The following CCNJL variants were observed in gnomAD, a reference collection of about 807,000 sequenced individuals.
CCNJL encodes cyclin-J-like protein.
CCNJL carries 33 observed loss-of-function variants against 33.4 expected under a neutral mutation model. The observed-to-expected ratio is 0.99, with a 90% confidence interval of 0.75 to 1.32. The LOEUF (loss-of-function observed/expected upper bound fraction) is 1.32. CCNJL is among the 40% of genes most tolerant of loss of function. The pLI is 0.00. For missense variants in CCNJL, 512 were observed against 499.7 expected (o/e 1.02, Z -0.23); for synonymous variants, 227 against 220.9 (o/e 1.03, Z -0.24).
At chr5:160,270,682 G>A (rs1761800984) in intron 3 of CCNJL, among the ~76,000 whole-genome samples, 1 of 152,204 alleles carries the variant, frequency 6.6e-6, no homozygotes. Flanking sequence ...ATAGAAAAGA[G>A]AAATGTAGTG....
intron 1 of CCNJL, among the ~76,000 whole-genome samples, chr5:160,323,206 G>T (rs1007744322): frequency 6.7e-6 from 1 of 150,106 alleles, no homozygotes; most frequent in Non-Finnish European, 1.5e-5. Context: ...CTGCACTCCA[G>T]CCTGGGCAAC....
At position 160,272,788 on chromosome 5, in the gene CCNJL, A is replaced by C. The variant is rs978223223; in HGVS notation, c.280+7737T>G. 2.6e-5 allele frequency among the ~76,000 whole-genome samples: 4 copies of C among 152,216 alleles called. No individual in the cohort carries two copies. The South Asian group carries it at 6.2e-4, about 24-fold the overall frequency. ...AAGGCAATTTGGCACTACTTATCAA[A>C]ATCTTCAGTGTTACCTACCTGTTGA... On this transcript the variant is annotated intron_variant, in intron 3 of 5. Coordinates refer to ENST00000257536, the MANE Select transcript of CCNJL (RefSeq NM_001308173.3).
intron 1 of CCNJL, among the ~76,000 whole-genome samples, chr5:160,330,420 G>A (rs1763589862): frequency 6.6e-6 from 1 of 152,164 alleles, no homozygotes; most frequent in East Asian, 1.9e-4. Context: ...GCTGCCTTAA[G>A]TGGTGGCTGT....
chr5:160,327,111 G>A (rs1175394056), intron 1 of CCNJL: 2 of 273,448 alleles, frequency 7.3e-6, no homozygotes, highest in Non-Finnish European at 1.4e-5. Flanking sequence ...CTATGGGATT[G>A]TTTGTATTTA....
intron 4 of CCNJL, chr5:160,258,214 T>A (rs1363581556): frequency 1.7e-6 from 1 of 586,420 alleles, no homozygotes; most frequent in East Asian, 3.0e-5. Flanking sequence ...GTATCAACAG[T>A]ATTTTTTTTT....
At chr5:160,321,008 C>CTT (rs1763447861) in intron 1 of CCNJL, among the ~76,000 whole-genome samples, 2 of 100,166 alleles carry the variant, frequency 2.0e-5, no homozygotes, top group East Asian at 2.7e-4. Flanking sequence ...CTCTCTCTCT[C>CTT]TCTCTCTTTC....
intron 2 of CCNJL, among the ~76,000 whole-genome samples, chr5:160,282,940 A>C (rs10085043): frequency 0.13 from 17,135 of 129,400 alleles, 1,910 homozygotes; most frequent in African/African-American, 0.28. Context: ...AGGGTTCTTA[A>C]GTGACCCAGC....
intron 2 of CCNJL, chr5:160,281,277 C>T (rs78728998): frequency 0.022 from 3,587 of 160,436 alleles, 125 homozygotes; most frequent in African/African-American, 0.08. Context: ...TTACGAGAGA[C>T]GGGTTTTTGA....
chr5:160,266,328 T>C (rs565858285), intron 3 of CCNJL, among the ~76,000 whole-genome samples: 2 of 152,394 alleles, frequency 1.3e-5, no homozygotes, highest in African/African-American at 2.4e-5. Flanking sequence ...AATAGAGACC[T>C]TTCTGATGCT....
chr5:160,338,233 CA>C (rs34255916), intron 1 of CCNJL, among the ~76,000 whole-genome samples: 72,559 of 151,744 alleles, frequency 0.48, 17,614 homozygotes, highest in Middle Eastern at 0.54. Context: ...CCCGTCTCTA[CA>C]AAAAAACACA....
chr5:160,276,701 G>A (rs1438196144), intron 3 of CCNJL, among the ~76,000 whole-genome samples: 3 of 152,134 alleles, frequency 2.0e-5, no homozygotes, highest in East Asian at 1.9e-4. Context: ...TAGAGAGAGC[G>A]TGAAGGTGCT....
intron 3 of CCNJL, chr5:160,276,422 A>C (rs920325537): frequency 6.6e-6 from 1 of 151,876 alleles, no homozygotes; most frequent in African/African-American, 2.4e-5. Context: ...TCTCAAAAAA[A>C]AAAAAGAAAA....
At chr5:160,260,862 C>A (rs973492272) in intron 3 of CCNJL, among the ~76,000 whole-genome samples, 8 of 147,598 alleles carry the variant, frequency 5.4e-5, no homozygotes, top group Admixed American at 2.0e-4. Flanking sequence ...TCAGAAGACG[C>A]CCTCCACACC....
At chr5:160,294,987 C>T (rs1366995055) in intron 2 of CCNJL, 1 of 152,250 alleles carries the variant, frequency 6.6e-6, no homozygotes, top group South Asian at 2.1e-4. Flanking sequence ...CAAAATGGGA[C>T]AGTAGGGTGA....
intron 2 of CCNJL, among the ~76,000 whole-genome samples, chr5:160,302,242 A>T (rs1469501893): frequency 6.6e-6 from 1 of 150,462 alleles, no homozygotes; most frequent in African/African-American, 2.4e-5. Context: ...TATGCATTGG[A>T]TTGCAGAAGG....
At chr5:160,306,101 C>T (rs1202483774) in intron 2 of CCNJL, among the ~76,000 whole-genome samples, 1 of 152,000 alleles carries the variant, frequency 6.6e-6, no homozygotes, top group African/African-American at 2.4e-5. Context: ...TGGTGAAACC[C>T]CGCCTCTACT....
intron 1 of CCNJL, among the ~76,000 whole-genome samples, chr5:160,326,077 C>A (rs932702995): frequency 6.6e-6 from 1 of 152,196 alleles, no homozygotes; most frequent in East Asian, 1.9e-4. Context: ...CCATATCAGA[C>A]CTGGCCAGTT....
chr5:160,339,223 T>C (rs1763719227), intron 1 of CCNJL, among the ~76,000 whole-genome samples: 1 of 150,976 alleles, frequency 6.6e-6, no homozygotes, highest in African/African-American at 2.4e-5. Context: ...ATCCAAGACA[T>C]GGATAATACT....
chr5:160,297,008 C>T (rs193269557), intron 2 of CCNJL, among the ~76,000 whole-genome samples: 29 of 152,246 alleles, frequency 1.9e-4, no homozygotes, highest in Non-Finnish European at 5.9e-5. Flanking sequence ...AGTATAGGAC[C>T]TACTGGAAGG....
Sources: gnomAD v4.1 joint callset for allele counts (sites outside exome capture counted in the v4.1 genomes callset) on GRCh38, gnomAD v4.1.1 for gene constraint, MANE v1.5 for transcripts, NCBI Gene and HGNC (gene_info 2026-07-23, HGNC 2026-07-21) for gene names.